Variants in RSU1 observed in about 807,000 individuals in gnomAD.
The protein encoded by RSU1 is rsu-1.
RSU1 carries 26 observed loss-of-function variants against 31.1 expected under a neutral mutation model. The ratio of observed to expected loss-of-function variants is 0.84; its 90% confidence interval spans 0.61 to 1.16. The LOEUF (loss-of-function observed/expected upper bound fraction) is 1.16, where lower values mean the gene tolerates loss of function less well. Ranked by LOEUF, RSU1 falls within the 50% of genes most tolerant of loss-of-function variation. The pLI, the probability that RSU1 is intolerant of heterozygous loss-of-function variation, is 0.00. For missense variants in RSU1, 320 were observed against 339.1 expected (o/e 0.94, Z 0.44); for synonymous variants, 164 against 136.3 (o/e 1.20, Z -1.41).
At chr10:16,602,375 A>G (rs1833727299) in intron 8 of RSU1, among the ~76,000 whole-genome samples, 1 of 152,194 alleles carries the variant, frequency 6.6e-6, no homozygotes, top group African/African-American at 2.4e-5. Context: ...GGAAGCTCCT[A>G]TTATGATCAT....
chr10:16,759,498 T>C (rs1203402709), intron 4 of RSU1, among the ~76,000 whole-genome samples: 1 of 152,058 alleles, frequency 6.6e-6, no homozygotes, highest in Non-Finnish European at 1.5e-5. Context: ...CAGAGTGAGA[T>C]CTTGTCTCAA....
chr10:16,661,611 A>C (rs1355161546), intron 8 of RSU1, among the ~76,000 whole-genome samples: 1 of 152,204 alleles, frequency 6.6e-6, no homozygotes, highest in Non-Finnish European at 1.5e-5. Context: ...GATGTAGAGC[A>C]ATGGCAAAAG....
intron 8 of RSU1, among the ~76,000 whole-genome samples, chr10:16,654,194 G>A (rs2131518486): frequency 6.6e-6 from 1 of 151,368 alleles, no homozygotes; most frequent in South Asian, 2.1e-4. Flanking sequence ...GTAGAAATGG[G>A]GTTTCACCAT....
At chr10:16,622,169 C>A (rs568608608) in intron 8 of RSU1, among the ~76,000 whole-genome samples, 1 of 152,104 alleles carries the variant, frequency 6.6e-6, no homozygotes, top group African/African-American at 2.4e-5. Context: ...AAATACCTCC[C>A]CTGAAAAAGT....
chr10:16,670,587 G>T (rs1221743520), intron 8 of RSU1, among the ~76,000 whole-genome samples: 1 of 152,096 alleles, frequency 6.6e-6, no homozygotes, highest in African/African-American at 2.4e-5. Context: ...GCCTAAACTT[G>T]CTTCCTGAAT....
intron 8 of RSU1, among the ~76,000 whole-genome samples, chr10:16,625,165 T>A (rs1834133804): frequency 6.6e-6 from 1 of 152,216 alleles, no homozygotes; most frequent in Non-Finnish European, 1.5e-5. Flanking sequence ...ACTCTTTTAC[T>A]GCAAGCTTTT....
chr10:16,640,728 G>C (rs1834426690), intron 8 of RSU1, among the ~76,000 whole-genome samples: 1 of 152,210 alleles, frequency 6.6e-6, no homozygotes, highest in Non-Finnish European at 1.5e-5. Flanking sequence ...TCCTTCACCT[G>C]GTTAGCTCCT....
intron 7 of RSU1, among the ~76,000 whole-genome samples, chr10:16,734,350 C>T (rs1188481598): frequency 6.6e-6 from 1 of 152,230 alleles, no homozygotes; most frequent in Non-Finnish European, 1.5e-5. Context: ...CTCACACACT[C>T]TTCTTCATCT....
intron 8 of RSU1, among the ~76,000 whole-genome samples, chr10:16,633,718 C>A (rs1834294897): frequency 6.6e-6 from 1 of 152,140 alleles, no homozygotes; most frequent in African/African-American, 2.4e-5. Flanking sequence ...CCTAAGTGAC[C>A]TCCACTGTCT....
rs1564357295 is a variant in RSU1, at chr10:16,785,449, T to TACATATATATATACAC, written c.110-3366_110-3365insGTGTATATATATATGT. ...ATACATATATATATATACACATATA[T>TACATATATATATACAC]ACATATATACATATATATATACACA... On this transcript the variant is annotated intron_variant, in intron 2 of 8. Transcript: ENST00000345264. Among the ~76,000 whole-genome samples the TACATATATATATACAC allele has an allele frequency of 2.4e-4, 34 of 139,462 alleles. 2 individuals carry two copies. Among genetic ancestry groups the TACATATATATATACAC allele is most frequent in the African/African-American group, 9.1e-4 (32 of 35,034 alleles). 91.5% of individuals were successfully genotyped at this position (139,462 alleles called of 152,430 possible).
In RSU1 at chr10:16,752,910, T is replaced by C. The variant is rs1837009295; in HGVS notation, c.483+8A>G. On this transcript the variant is annotated splice_region_variant and intron_variant, in intron 6 of 8. Transcript: ENST00000345264. ...TTGATTTTCTAAGAATTTAGATAAA[T>C]TACTTACTATCTGCAACTTTGTGAG... 6.2e-7 allele frequency: 1 copy of C among 1,610,718 alleles called. No individual in the cohort carries two copies. The highest frequency in any genetic ancestry group is 8.5e-7 in the Non-Finnish European group (1 of 1,176,868).
At chr10:16,650,294 T>C (rs1468247587) in intron 8 of RSU1, among the ~76,000 whole-genome samples, 1 of 152,204 alleles carries the variant, frequency 6.6e-6, no homozygotes, top group Non-Finnish European at 1.5e-5. Flanking sequence ...CTTTCTATTA[T>C]AACAGAAGTT....
intron 8 of RSU1, among the ~76,000 whole-genome samples, chr10:16,609,258 T>C (rs1357599816): frequency 6.6e-6 from 1 of 152,172 alleles, no homozygotes; most frequent in Non-Finnish European, 1.5e-5. Context: ...CAGCAAGGAA[T>C]TGAGTGGGAC....
chr10:16,597,300 C>T (rs79812749), intron 8 of RSU1, among the ~76,000 whole-genome samples: 2,027 of 152,226 alleles, frequency 0.013, 45 homozygotes, highest in African/African-American at 0.046. Context: ...TCTCCTTTTT[C>T]GGAGCGAACT....
chr10:16,734,031 T>A (rs908520982), intron 7 of RSU1, among the ~76,000 whole-genome samples: 1 of 152,242 alleles, frequency 6.6e-6, no homozygotes, highest in Non-Finnish European at 1.5e-5. Context: ...TTGTTCCCAG[T>A]CAGCCCTCTT....
intron 2 of RSU1, among the ~76,000 whole-genome samples, chr10:16,801,220 CA>C (rs1202945576): frequency 6.6e-6 from 1 of 151,148 alleles, no homozygotes; most frequent in East Asian, 1.9e-4. Flanking sequence ...AAACGCTAAA[CA>C]AAAAAAGCTG....
chr10:16,753,051 T>G (rs778756583), intron 5 of RSU1, 51 bp from the exon 6 acceptor site: 1 of 1,435,290 alleles, frequency 7.0e-7, no homozygotes. Flanking sequence ...ACACAACCAT[T>G]TGAGGTCTGA....
intron 8 of RSU1, among the ~76,000 whole-genome samples, chr10:16,686,356 T>C (rs1002653543): frequency 1.3e-5 from 2 of 152,204 alleles, no homozygotes; most frequent in Non-Finnish European, 1.5e-5. Flanking sequence ...CATTGAACTT[T>C]TAAGACTCCT....
chr10:16,699,126 A>C (rs1835736932), intron 7 of RSU1, among the ~76,000 whole-genome samples: 1 of 152,228 alleles, frequency 6.6e-6, no homozygotes, highest in South Asian at 2.1e-4. Flanking sequence ...TTAAAGGAGG[A>C]AACTATTATA....
Sources: allele counts gnomAD v4.1 joint callset (sites outside exome capture counted in the v4.1 genomes callset), GRCh38; gene constraint gnomAD v4.1.1; transcripts MANE v1.5; gene names NCBI Gene and HGNC (gene_info 2026-07-23, HGNC 2026-07-21).